The following SCN8A variants were observed in gnomAD, a reference collection of about 807,000 sequenced individuals.
SCN8A encodes the protein sodium channel protein type 8 subunit alpha.
In SCN8A, 30 loss-of-function variants were observed where a neutral mutation model predicts 184.1. That is an observed-to-expected ratio of 0.16 (90% CI 0.12 to 0.22). SCN8A has a LOEUF of 0.22. Ranked by LOEUF, SCN8A falls within the 10% of genes least tolerant of loss-of-function variation. The pLI is 1.00. For synonymous variants in SCN8A, 852 were observed against 907.0 expected (o/e 0.94, Z 1.09); for missense variants, 1,057 against 2,498.9 (o/e 0.42, Z 12.30).
chr12:51,646,017 A>G (rs1235207432), intron 1 of SCN8A, among the ~76,000 whole-genome samples: 3 of 149,746 alleles, frequency 2.0e-5, no homozygotes, highest in Admixed American at 6.6e-5. Flanking sequence ...AGTAAAAAAA[A>G]AAAAAAAAGA....
At chr12:51,689,327 C>T in intron 6 of SCN8A, 1 of 499,962 alleles carries the variant, frequency 2.0e-6, no homozygotes, top group Non-Finnish European at 3.6e-6. Context: ...AAAGCACGTG[C>T]TTAAGAATCA....
intron 6 of SCN8A, chr12:51,690,057 G>A (rs1844262940): frequency 6.6e-6 from 1 of 152,068 alleles, no homozygotes; most frequent in Non-Finnish European, 1.5e-5. Flanking sequence ...CATTGCTACT[G>A]GGTAATACTT....
rs1174267193 is a variant in SCN8A at position 51,809,184 on chromosome 12, AC to A, written c.*1756del. On this transcript the variant is annotated 3_prime_UTR_variant, in exon 27 of 27. Transcript: ENST00000627620. ...CATTCCATCTCCTGCTTTAGGAAAG[AC>A]AGTTTTTAGTCCAGGGGTTTCTCAC... The A allele has an allele frequency of 6.6e-6, 1 of 152,140 alleles. No individual in the cohort carries two copies. The highest frequency in any genetic ancestry group is 2.4e-5 in the African/African-American group (1 of 41,426). 9.4% of individuals were successfully genotyped at this position (152,140 alleles called of 1,614,324 possible). A position where few individuals can be genotyped will look rare whatever the true frequency, so the allele number is the denominator to read the frequency against.
intron 11 of SCN8A, among the ~76,000 whole-genome samples, chr12:51,715,127 A>G (rs1306944546): frequency 6.6e-6 from 1 of 152,198 alleles, no homozygotes; most frequent in African/African-American, 2.4e-5. Flanking sequence ...GAAATGGAGC[A>G]AGTCACCTTT....
intron 11 of SCN8A, among the ~76,000 whole-genome samples, chr12:51,707,813 T>C (rs1008408336): frequency 6.6e-6 from 1 of 152,230 alleles, no homozygotes; most frequent in African/African-American, 2.4e-5. Flanking sequence ...ACTCTTTGCA[T>C]TGGCTCAATA....
intron 21 of SCN8A, among the ~76,000 whole-genome samples, chr12:51,785,164 G>A (rs1039084254): frequency 6.6e-6 from 1 of 152,170 alleles, no homozygotes; most frequent in African/African-American, 2.4e-5. Context: ...TGTAGAATGA[G>A]GAGGTAAATT....
rs1462825476 is a variant in SCN8A at position 51,769,013 on chromosome 12, C to G, written c.3050C>G (p.Ala1017Gly). The G allele has an allele frequency of 6.2e-7, 1 of 1,614,006 alleles. No homozygotes were observed. The highest frequency in any genetic ancestry group is 8.5e-7 in the Non-Finnish European group (1 of 1,179,890). Residue 1017 changes from alanine to glycine, a missense_variant, in exon 17 of 27, where the codon GCC becomes GGC. Physicochemically the swap from Ala to Gly is moderately conservative, Grantham distance 60 (BLOSUM62 0). This residue lies in a region of SCN8A where 178 missense variants were observed against 259.6 expected (regional missense o/e 0.69). Coordinates refer to ENST00000627620, the MANE Select transcript of SCN8A (RefSeq NM_001330260.2). ...GVAWTKLKVH[A>G]FMQAHFKQRE... is the part of the protein sequence containing the mutation. ...GCCTGGACCAAACTAAAGGTGCACG[C>G]CTTCATGCAGGCCCACTTTAAGCAG...
chr12:51,661,891 T>C (rs1940931880), intron 1 of SCN8A, among the ~76,000 whole-genome samples: 1 of 152,252 alleles, frequency 6.6e-6, no homozygotes, highest in Non-Finnish European at 1.5e-5. Flanking sequence ...TTAGAAATCA[T>C]TGGCTCTCAT....
intron 1 of SCN8A, among the ~76,000 whole-genome samples, chr12:51,634,750 G>A (rs1195122533): frequency 6.6e-6 from 1 of 151,062 alleles, no homozygotes; most frequent in East Asian, 1.9e-4. Flanking sequence ...CTGGGTTCAA[G>A]CGATTCTCTG....
At chr12:51,716,058 A>T (rs1312060847) in intron 11 of SCN8A, among the ~76,000 whole-genome samples, 2 of 152,168 alleles carry the variant, frequency 1.3e-5, no homozygotes, top group African/African-American at 4.8e-5. Flanking sequence ...CGTAGGCTGG[A>T]TACAGTGACT....
At chr12:51,681,665 C>A (rs1941335768) in intron 2 of SCN8A, among the ~76,000 whole-genome samples, 1 of 152,142 alleles carries the variant, frequency 6.6e-6, no homozygotes, top group Non-Finnish European at 1.5e-5. Context: ...CAGTATGCTC[C>A]ATTACAGGAA....
chr12:51,610,960 A>G (rs1237814725), intron 1 of SCN8A, among the ~76,000 whole-genome samples: 1 of 152,198 alleles, frequency 6.6e-6, no homozygotes, highest in Admixed American at 6.5e-5. Flanking sequence ...GCCTTTGCAT[A>G]TAAATTTCAC....
At chr12:51,766,207 A>G (rs957095767) in intron 16 of SCN8A, 180 bp downstream of exon 16, 2 of 634,884 alleles carry the variant, frequency 3.2e-6, no homozygotes, top group Non-Finnish European at 5.6e-6. Context: ...ATACTTACAG[A>G]GTGCCTACTT....
rs188434299 is a variant in SCN8A, at chr12:51,705,211, A to G, written c.1135-206A>G. On this transcript the variant is annotated intron_variant, in intron 9 of 26. Coordinates refer to ENST00000627620, the MANE Select transcript of SCN8A (RefSeq NM_001330260.2). ...TTGTCACAATGGTTGGGAGATAACT[A>G]CTGCCATTTAATATGAGTTGAGGAT... 3.9e-5 allele frequency among the ~76,000 whole-genome samples: 6 copies of G among 152,324 alleles called. No individual in the cohort carries two copies. In the East Asian group the frequency reaches 5.8e-4, roughly 15 times the overall value.
chr12:51,665,141 T>C (rs1454957137), intron 2 of SCN8A, among the ~76,000 whole-genome samples: 1 of 152,232 alleles, frequency 6.6e-6, no homozygotes, highest in Non-Finnish European at 1.5e-5. Context: ...TAGAGCCCAA[T>C]TTTCCTTTGC....
intron 26 of SCN8A, among the ~76,000 whole-genome samples, chr12:51,804,317 T>G (rs1210948604): frequency 6.6e-6 from 1 of 152,080 alleles, no homozygotes; most frequent in South Asian, 2.1e-4. Context: ...TTCTTTTCTT[T>G]TTCTCTTTTC....
Position 51,807,369 on chromosome 12 carries a change from A to G in SCN8A, c.5883A>G (p.Ala1961=), listed in dbSNP as rs750830277. The change falls in exon 27 of 27, where the codon GCA becomes GCG. Residue 1961 remains alanine, a synonymous_variant. Transcript: ENST00000627620. The surrounding 1 kb of genome is among the most constrained non-coding windows in gnomAD (Gnocchi z 4.5). The part of the protein sequence containing the change: ...TKPEKEKQQR[A]EEGRRERAKR... Reference sequence around the variant, plus strand: ...CTGAAAAGGAGAAACAGCAGCGGGCAGAGGAAGGAAGAAGGGAAAGAGCCA... The same window carrying G: ...CTGAAAAGGAGAAACAGCAGCGGGCGGAGGAAGGAAGAAGGGAAAGAGCCA... 46 of 1,613,472 alleles carry G rather than the reference A, an allele frequency of 2.9e-5. No homozygotes were observed. Among genetic ancestry groups the G allele is most frequent in the Non-Finnish European group, 3.6e-5 (43 of 1,179,680 alleles).
chr12:51,659,140 T>C (rs939867339), intron 1 of SCN8A, among the ~76,000 whole-genome samples: 4 of 152,218 alleles, frequency 2.6e-5, no homozygotes, highest in African/African-American at 9.6e-5. Context: ...CATGGAATAC[T>C]ATGCAGAATG....
chr12:51,640,072 T>A (rs1940413746), intron 1 of SCN8A, among the ~76,000 whole-genome samples: 1 of 147,396 alleles, frequency 6.8e-6, no homozygotes, highest in African/African-American at 2.5e-5. Flanking sequence ...CTCTGCTAAT[T>A]TTTTTTAAGT....
Sources: gnomAD v4.1 joint callset for allele counts (sites outside exome capture counted in the v4.1 genomes callset) on GRCh38, gnomAD v4.1.1 for gene constraint, gnomAD v4.1.1 regional missense constraint, Gnocchi (gnomAD v3.1) non-coding constraint, MANE v1.5 for transcripts, NCBI Gene and HGNC (gene_info 2026-07-23, HGNC 2026-07-21) for gene names.